VSNL1: variants seen among roughly 807,000 people sequenced by gnomAD.
The protein encoded by VSNL1 is visinin-like protein 1.
A neutral mutation model predicts 20.4 loss-of-function variants in VSNL1; 6 were observed. The observed-to-expected ratio is 0.29, with a 90% CI of 0.16 to 0.58. VSNL1 has a LOEUF of 0.58. VSNL1 is among the 20% of genes least tolerant of loss of function. The pLI is 0.90. For synonymous variants in VSNL1, 93 were observed against 86.4 expected (o/e 1.08, Z -0.42); for missense variants, 100 against 234.5 (o/e 0.43, Z 3.75).
chr2:17,651,712 T>C (rs1447001159), intron 3 of VSNL1, among the ~76,000 whole-genome samples: 1 of 152,224 alleles, frequency 6.6e-6, no homozygotes, highest in South Asian at 2.1e-4. Context: ...TTCTTTCTCT[T>C]AGTTCTTCCA....
chr2:17,645,906 T>G (rs1466154097), intron 2 of VSNL1, among the ~76,000 whole-genome samples: 1 of 152,132 alleles, frequency 6.6e-6, no homozygotes, highest in Non-Finnish European at 1.5e-5. Flanking sequence ...TAGGCTATGA[T>G]GAAGAACAAT....
intron 1 of VSNL1, among the ~76,000 whole-genome samples, chr2:17,546,817 G>A (rs564548567): frequency 1.5e-3 from 225 of 152,042 alleles, no homozygotes; most frequent in Non-Finnish European, 2.0e-3. Context: ...TTGATGTTAC[G>A]AGTTAATGGA....
intron 1 of VSNL1, among the ~76,000 whole-genome samples, chr2:17,542,969 A>G (rs1040299240): frequency 2.0e-5 from 3 of 152,216 alleles, no homozygotes; most frequent in African/African-American, 7.2e-5. Flanking sequence ...ATTAAAAAGT[A>G]ATGTTGAGTG....
At chr2:17,647,138 T>G (rs892764197) in intron 2 of VSNL1, among the ~76,000 whole-genome samples, 1 of 152,166 alleles carries the variant, frequency 6.6e-6, no homozygotes, top group Non-Finnish European at 1.5e-5. Context: ...TCTCTCAAGG[T>G]TTTTTAGACC....
At chr2:17,572,231 A>G (rs1335670635) in intron 1 of VSNL1, among the ~76,000 whole-genome samples, 2 of 152,220 alleles carry the variant, frequency 1.3e-5, no homozygotes, top group Non-Finnish European at 2.9e-5. Flanking sequence ...TAGCAGATGA[A>G]TAAAAACTTT....
intron 1 of VSNL1, among the ~76,000 whole-genome samples, chr2:17,549,134 G>A (rs1407060359): frequency 6.6e-6 from 1 of 152,210 alleles, no homozygotes; most frequent in Non-Finnish European, 1.5e-5. Flanking sequence ...CTCTTATGCA[G>A]GATCTGGTGA....
chr2:17,654,529 G>A (rs1330616123), intron 3 of VSNL1, among the ~76,000 whole-genome samples: 1 of 152,044 alleles, frequency 6.6e-6, no homozygotes, highest in Non-Finnish European at 1.5e-5. Context: ...AGCCCATCAT[G>A]TTCCTCCCTG....
At chr2:17,627,097 C>T (rs576217762) in intron 2 of VSNL1, among the ~76,000 whole-genome samples, 10 of 152,370 alleles carry the variant, frequency 6.6e-5, no homozygotes, top group East Asian at 3.9e-4. Context: ...TGCAAATCCA[C>T]GCCAAGGAGA....
chr2:17,649,689 G>A lies in VSNL1; in HGVS notation c.378+64G>A, dbSNP rs1445397911. ...AAGGAGACCCCACGGCAGCCTCCTA[G>A]GTGCAGGCCTTAGTGGCTTCTTCTC... is the stretch of plus-strand genomic sequence containing the variant. On this transcript the variant is annotated intron_variant, in intron 3 of 3. Coordinates refer to ENST00000295156, the MANE Select transcript of VSNL1 (RefSeq NM_003385.5). This position sits in a 1 kb window ranked among gnomAD's most constrained non-coding sequence, Gnocchi z 6.4. 4.0e-6 allele frequency: 6 copies of A among 1,507,322 alleles called. No homozygotes were observed. In the Admixed American group the frequency reaches 1.0e-4, roughly 26 times the overall value. 93.4% of individuals were successfully genotyped at this position (1,507,322 alleles called of 1,614,324 possible). A position where few individuals can be genotyped will look rare whatever the true frequency, so the allele number is the denominator to read the frequency against.
At chr2:17,611,800 C>T (rs1434732428) in intron 2 of VSNL1, among the ~76,000 whole-genome samples, 1 of 152,170 alleles carries the variant, frequency 6.6e-6, no homozygotes, top group Non-Finnish European at 1.5e-5. Context: ...AAACCTGCTC[C>T]CCCAAATGTC....
At chr2:17,605,157 A>G (rs1664914137) in intron 2 of VSNL1, among the ~76,000 whole-genome samples, 1 of 152,230 alleles carries the variant, frequency 6.6e-6, no homozygotes, top group Non-Finnish European at 1.5e-5. Context: ...CAACTGCTCA[A>G]TAAATGGTAA....
intron 1 of VSNL1, among the ~76,000 whole-genome samples, chr2:17,558,733 A>G (rs1558281417): frequency 6.6e-6 from 1 of 152,152 alleles, no homozygotes; most frequent in African/African-American, 2.4e-5. Context: ...TTAAAATTCA[A>G]AGGTCTTGAG....
intron 1 of VSNL1, among the ~76,000 whole-genome samples, chr2:17,580,525 G>A (rs930610152): frequency 3.3e-5 from 5 of 152,190 alleles, no homozygotes; most frequent in Non-Finnish European, 7.3e-5. Context: ...AAGCATCAGA[G>A]CTAGGTTTCA....
At chr2:17,551,986 C>T (rs1663549111) in intron 1 of VSNL1, among the ~76,000 whole-genome samples, 1 of 149,928 alleles carries the variant, frequency 6.7e-6, no homozygotes, top group Non-Finnish European at 1.5e-5. Context: ...ATCACGAGGT[C>T]AGGAGATCGA....
chr2:17,647,129 C>T (rs1572221927), intron 2 of VSNL1, among the ~76,000 whole-genome samples: 1 of 152,308 alleles, frequency 6.6e-6, no homozygotes, highest in East Asian at 1.9e-4. Context: ...ATTGATTTTT[C>T]TCTCAAGGTT....
rs1663588452 is a variant in VSNL1 at position 17,553,231 on chromosome 2, G to T, written c.-6+12313G>T. On this transcript the variant is annotated intron_variant, in intron 1 of 3. Transcript: ENST00000295156. ...GTTCCTGGATGGATATTTGACCACA[G>T]TTGTGCCAAAGTAGCTAATGTCTAA... Among the ~76,000 whole-genome samples the T allele has an allele frequency of 2.6e-5, 4 of 152,188 alleles. No homozygotes were observed. In the South Asian group the frequency reaches 6.2e-4, roughly 24 times the overall value.
intron 2 of VSNL1, among the ~76,000 whole-genome samples, chr2:17,631,068 C>T (rs1175817747): frequency 6.6e-6 from 1 of 152,212 alleles, no homozygotes; most frequent in Non-Finnish European, 1.5e-5. Flanking sequence ...GCGTGAGCCA[C>T]TGTGCGCAGC....
intron 2 of VSNL1, among the ~76,000 whole-genome samples, chr2:17,623,023 C>T (rs535511272): frequency 6.6e-6 from 1 of 152,266 alleles, no homozygotes; most frequent in South Asian, 2.1e-4. Context: ...TCCAGGGATC[C>T]TTTTTTATCT....
At position 17,655,484 on chromosome 2, in the gene VSNL1, C is replaced by CAT. The variant is rs1180891660; in HGVS notation, c.*91_*92insTA. 10 of 1,076,130 alleles carry CAT rather than the reference C, an allele frequency of 9.3e-6. No individual in the cohort carries two copies. Among genetic ancestry groups the CAT allele is most frequent in the Non-Finnish European group, 1.3e-5 (10 of 744,598 alleles). The allele number at this position is 1,076,130 out of a possible 1,614,324, so 66.7% of individuals were successfully genotyped here. A position where few individuals can be genotyped will look rare whatever the true frequency, so the allele number is the denominator to read the frequency against. The stretch of plus-strand genomic sequence containing the variant: ...ACACACACACACACACACACACACA[C>CAT]ACACACACACACACACAAATATTGC... On this transcript the variant is annotated 3_prime_UTR_variant, in exon 4 of 4. Coordinates refer to ENST00000295156, the MANE Select transcript of VSNL1 (RefSeq NM_003385.5). The surrounding 1 kb of genome is among the most constrained non-coding windows in gnomAD (Gnocchi z 5.2).
Sources: allele counts gnomAD v4.1 joint callset (sites outside exome capture counted in the v4.1 genomes callset), GRCh38; gene constraint gnomAD v4.1.1; non-coding constraint Gnocchi (gnomAD v3.1); transcripts MANE v1.5; gene names NCBI Gene and HGNC (gene_info 2026-07-23, HGNC 2026-07-21).